Variants in PTPRM observed in about 807,000 individuals in gnomAD.
PTPRM encodes the protein receptor-type tyrosine-protein phosphatase mu.
In PTPRM, 47 loss-of-function variants were observed where a neutral mutation model predicts 186.7. The observed-to-expected ratio is 0.25, with a 90% CI of 0.20 to 0.32. The LOEUF is 0.32. PTPRM is among the 10% of genes least tolerant of loss of function. The pLI is 1.00. For missense variants in PTPRM, 1,494 were observed against 1,865.0 expected, an observed-to-expected ratio of 0.80 and a Z score of 3.66; for synonymous variants, 668 against 674.9, an observed-to-expected ratio of 0.99 and a Z score of 0.16.
chr18:8,019,029 G>A (rs555675768), intron 7 of PTPRM, among the ~76,000 whole-genome samples: 1 of 152,266 alleles, frequency 6.6e-6, no homozygotes, highest in African/African-American at 2.4e-5. Context: ...AGATTAATAA[G>A]GTAATATCTG....
intron 22 of PTPRM, among the ~76,000 whole-genome samples, chr18:8,332,546 G>C (rs2095417441): frequency 6.6e-6 from 1 of 152,166 alleles, no homozygotes; most frequent in Admixed American, 6.5e-5. Flanking sequence ...TTGGGGAATG[G>C]AATGAGTGAA....
At chr18:8,159,346 A>C (rs1427121039) in intron 14 of PTPRM, among the ~76,000 whole-genome samples, 1 of 152,192 alleles carries the variant, frequency 6.6e-6, no homozygotes, top group Non-Finnish European at 1.5e-5. Context: ...TGTTATATTC[A>C]TATGTGCCGT....
chr18:7,877,091 T>C (rs1173394018), intron 2 of PTPRM, among the ~76,000 whole-genome samples: 1 of 152,194 alleles, frequency 6.6e-6, no homozygotes. Context: ...TAGATATATA[T>C]TTAATGATTT....
rs145467425 is a variant in PTPRM, at chr18:7,731,423, G to A, written c.74-42726G>A. Reference sequence around the variant, plus strand: ...TTGGTATTGCAAGTATTAATTTGGAGTACTTTCAGACATTTTAAGAGGTAT... The same window carrying A: ...TTGGTATTGCAAGTATTAATTTGGAATACTTTCAGACATTTTAAGAGGTAT... On this transcript the variant is annotated intron_variant, in intron 1 of 32. Coordinates refer to ENST00000580170, the MANE Select transcript of PTPRM (RefSeq NM_001105244.2). Among the ~76,000 whole-genome samples, 881 of 152,278 alleles carry A rather than the reference G, an allele frequency of 5.8e-3. 32 individuals are homozygous for A. The highest frequency in any genetic ancestry group is 0.044 in the Admixed American group (671 of 15,296).
chr18:8,178,264 T>C (rs565975000), intron 14 of PTPRM, among the ~76,000 whole-genome samples: 1 of 152,196 alleles, frequency 6.6e-6, no homozygotes, highest in Non-Finnish European at 1.5e-5. Flanking sequence ...TAGTCTAAAT[T>C]GCAGACAAAA....
intron 19 of PTPRM, among the ~76,000 whole-genome samples, chr18:8,291,483 C>A (rs1364050161): frequency 1.3e-5 from 2 of 152,150 alleles, no homozygotes; most frequent in Non-Finnish European, 2.9e-5. Flanking sequence ...TTCTTTTCTA[C>A]AATATAAATT....
At chr18:8,230,200 G>C (rs890513302) in intron 14 of PTPRM, among the ~76,000 whole-genome samples, 20 of 152,230 alleles carry the variant, frequency 1.3e-4, no homozygotes, top group African/African-American at 3.9e-4. Flanking sequence ...TAAAAACCCT[G>C]ACTTGTCTTA....
chr18:7,940,329 GA>G (rs1220414408), intron 5 of PTPRM, among the ~76,000 whole-genome samples: 7 of 152,244 alleles, frequency 4.6e-5, no homozygotes, highest in Admixed American at 3.9e-4. Flanking sequence ...AGGGGAGATA[GA>G]GAGCAACTAT....
intron 19 of PTPRM, among the ~76,000 whole-genome samples, chr18:8,289,539 T>TATATATAC (rs1458187817): frequency 0.018 from 990 of 55,074 alleles, 2 homozygotes; most frequent in South Asian, 0.036. Context: ...TATATACACA[T>TATATATAC]ATATATATAT....
intron 19 of PTPRM, among the ~76,000 whole-genome samples, chr18:8,262,151 T>C (rs55889688): frequency 0.3 from 45,097 of 151,692 alleles, 6,875 homozygotes; most frequent in Admixed American, 0.38. Flanking sequence ...CCAACTGCTC[T>C]CTCTCCTCCC....
chr18:7,976,895 T>C (rs765112637), intron 7 of PTPRM, among the ~76,000 whole-genome samples: 18 of 152,002 alleles, frequency 1.2e-4, no homozygotes, highest in Non-Finnish European at 2.1e-4. Context: ...TCAGTCAGAA[T>C]TGAGATCTGC....
chr18:8,003,186 G>A (rs1186454214), intron 7 of PTPRM, among the ~76,000 whole-genome samples: 1 of 152,140 alleles, frequency 6.6e-6, no homozygotes, highest in East Asian at 1.9e-4. Context: ...GAATCGTGGT[G>A]GTTTCCCCCA....
chr18:8,084,280 G>A lies in PTPRM; in HGVS notation c.1552-1391G>A, dbSNP rs1412137047. 3.9e-5 allele frequency among the ~76,000 whole-genome samples: 6 copies of A among 152,144 alleles called. No homozygotes were observed. In the South Asian group the frequency reaches 6.2e-4, roughly 16 times the overall value. The stretch of plus-strand genomic sequence containing the variant: ...GCATTCATAATAGAGGTTTAGATCC[G>A]TCTCCTCCAAACTGCCTTGTTCCCT... On this transcript the variant is annotated intron_variant, in intron 9 of 32. Transcript: ENST00000580170.
chr18:7,804,399 A>G (rs1331288634), intron 2 of PTPRM, among the ~76,000 whole-genome samples: 1 of 152,222 alleles, frequency 6.6e-6, no homozygotes, highest in Non-Finnish European at 1.5e-5. Flanking sequence ...CTACCCTGCT[A>G]TTCAGGCAAC....
chr18:8,075,604 G>A (rs1053237210), intron 8 of PTPRM, among the ~76,000 whole-genome samples: 1 of 151,970 alleles, frequency 6.6e-6, no homozygotes. Context: ...TAGAAAACTG[G>A]CAAATGACAT....
chr18:8,248,019 G>A, intron 16 of PTPRM, 100 bp downstream of exon 16: 1 of 1,357,504 alleles, frequency 7.4e-7, no homozygotes, highest in East Asian at 2.3e-5. Context: ...GGCTTACTGT[G>A]TTTGAGATGT....
chr18:7,671,018 C>T (rs1199125697), intron 1 of PTPRM, among the ~76,000 whole-genome samples: 1 of 152,050 alleles, frequency 6.6e-6, no homozygotes, highest in Admixed American at 6.6e-5. Flanking sequence ...AAGTTGATGA[C>T]CTTTAGATTT....
chr18:7,994,121 A>G (rs1322323909), intron 7 of PTPRM, among the ~76,000 whole-genome samples: 1 of 152,084 alleles, frequency 6.6e-6, no homozygotes, highest in Non-Finnish European at 1.5e-5. Flanking sequence ...AAGAGATGGG[A>G]AAAAATAATT....
intron 1 of PTPRM, among the ~76,000 whole-genome samples, chr18:7,660,042 A>G (rs2038942833): frequency 2.0e-5 from 3 of 152,168 alleles, no homozygotes; most frequent in Non-Finnish European, 2.9e-5. Context: ...AAAGATGACC[A>G]TAATGTAGCA....
Sources: gnomAD v4.1 joint callset for allele counts (sites outside exome capture counted in the v4.1 genomes callset) on GRCh38, gnomAD v4.1.1 for gene constraint, MANE v1.5 for transcripts, NCBI Gene and HGNC (gene_info 2026-07-23, HGNC 2026-07-21) for gene names.